Variants in COPG2 observed in about 807,000 individuals in gnomAD.
The protein encoded by COPG2 is coat protein complex I subunit gamma 2, also known as coatomer subunit gamma-2.
A neutral mutation model predicts 46.3 loss-of-function variants in COPG2; 37 were observed. The ratio of observed to expected loss-of-function variants is 0.80; its 90% CI spans 0.61 to 1.05. The LOEUF (loss-of-function observed/expected upper bound fraction) is 1.05. Ranked by LOEUF, COPG2 falls within the 50% of genes least tolerant of loss-of-function variation. COPG2 has a pLI of 0.00. For synonymous variants in COPG2, 159 were observed against 129.7 expected (o/e 1.23, Z -1.53); for missense variants, 427 against 387.8 (o/e 1.10, Z -0.85).
intron 5 of COPG2, among the ~76,000 whole-genome samples, chr7:130,649,097 A>C (rs1369514581): frequency 6.6e-6 from 1 of 152,176 alleles, no homozygotes; most frequent in East Asian, 1.9e-4. Context: ...TGCCTAGATA[A>C]TCCCATCTCT....
intron 9 of COPG2, among the ~76,000 whole-genome samples, chr7:130,576,639 C>T (rs1016281044): frequency 3.3e-5 from 5 of 152,092 alleles, no homozygotes; most frequent in African/African-American, 9.7e-5. Context: ...CAAGTGCCTA[C>T]ATCAAAAAGA....
intron 20 of COPG2, among the ~76,000 whole-genome samples, chr7:130,515,370 C>G (rs1227197721): frequency 3.9e-5 from 6 of 151,988 alleles, no homozygotes; most frequent in African/African-American, 1.2e-4. Flanking sequence ...ACAGTCAGGT[C>G]GTGTAAGAAC....
Position 130,552,274 on chromosome 7 carries a change from G to A in COPG2, c.1544+81C>T, listed in dbSNP as rs1050936982. On this transcript the variant is annotated intron_variant, in intron 15 of 23. Coordinates refer to ENST00000425248, the MANE Select transcript of COPG2 (RefSeq NM_012133.6). ...TACTCTTAGGGCTTAGAGTGCATCC[G>A]CCCTATGGTAGAATGAGGATTTCAC... The A allele has an allele frequency of 2.6e-4, 101 of 395,682 alleles. 1 individual carries two copies. In the East Asian group the frequency reaches 3.3e-3, roughly 13 times the overall value. 24.5% of individuals were successfully genotyped at this position (395,682 alleles called of 1,614,324 possible).
chr7:130,512,052 T>TA (rs1182017221), intron 20 of COPG2, among the ~76,000 whole-genome samples: 6,436 of 99,010 alleles, frequency 0.065, 237 homozygotes, highest in African/African-American at 0.1. Flanking sequence ...CTGTGTCTTC[T>TA]AAAAAAAAAA....
rs781807044 is a variant in COPG2 at position 130,633,402 on chromosome 7, ATCTGT to A, written c.324-16342_324-16338del. ...CCTATTTCTCCACATCCTCTCCAGCATCTGTTGTTTCCTGACTTTTTAATGATCGC... is the reference window on the plus strand; with the variant it reads ...CCTATTTCTCCACATCCTCTCCAGCATGTTTCCTGACTTTTTAATGATCGC... On this transcript the variant is annotated intron_variant, in intron 5 of 23. Transcript: ENST00000425248. Among the ~76,000 whole-genome samples the A allele has an allele frequency of 5.8e-4, 89 of 152,268 alleles. 1 individual carries two copies. Among genetic ancestry groups the A allele is most frequent in the Middle Eastern group, 6.8e-3 (2 of 294 alleles).
intron 5 of COPG2, among the ~76,000 whole-genome samples, chr7:130,632,622 T>C (rs1795253196): frequency 6.6e-6 from 1 of 152,068 alleles, no homozygotes; most frequent in African/African-American, 2.4e-5. Flanking sequence ...GTGAGGCTGT[T>C]TATTTTTGTT....
At chr7:130,574,129 A>G (rs944400716) in intron 9 of COPG2, among the ~76,000 whole-genome samples, 2 of 152,260 alleles carry the variant, frequency 1.3e-5, no homozygotes, top group Admixed American at 1.3e-4. Context: ...CCAAGTGCCC[A>G]TCAATTAATG....
rs782283708 is a variant in COPG2 at position 130,617,094 on chromosome 7, G to C, written c.324-29C>G. On this transcript the variant is annotated intron_variant, in intron 5 of 23. Transcript: ENST00000425248. ...AGAAAAATCAAATTGGTTAACATAA[G>C]ATCAATTAAAATCTCTCCCATGGAG... 7.5e-6 allele frequency: 11 copies of C among 1,467,654 alleles called. No individual in the cohort carries two copies. In the East Asian group the frequency reaches 2.5e-4, roughly 33 times the overall value. 90.9% of individuals were successfully genotyped at this position (1,467,654 alleles called of 1,614,324 possible). A position where few individuals can be genotyped will look rare whatever the true frequency, so the allele number is the denominator to read the frequency against.
chr7:130,537,880 G>A (rs1183143354), intron 20 of COPG2, among the ~76,000 whole-genome samples: 1 of 152,164 alleles, frequency 6.6e-6, no homozygotes. Flanking sequence ...AGGGTGTAGA[G>A]GTGTTGGCAC....
intron 5 of COPG2, among the ~76,000 whole-genome samples, chr7:130,631,167 C>CTTTTT (rs1795221010): frequency 8.4e-6 from 1 of 118,992 alleles, no homozygotes; most frequent in African/African-American, 3.0e-5. Flanking sequence ...TTTTCTTTTT[C>CTTTTT]TTTTCTTTTT....
intron 17 of COPG2, among the ~76,000 whole-genome samples, chr7:130,549,995 T>C (rs2116384969): frequency 6.6e-6 from 1 of 152,334 alleles, no homozygotes; most frequent in South Asian, 2.1e-4. Flanking sequence ...GATACTGTAA[T>C]GCTTTGCATT....
At chr7:130,668,438 C>A (rs1477163047) in intron 1 of COPG2, among the ~76,000 whole-genome samples, 194 bp downstream of exon 1, 1 of 148,798 alleles carries the variant, frequency 6.7e-6, no homozygotes, top group Non-Finnish European at 1.5e-5. Flanking sequence ...CGAAGGGAGG[C>A]TCCGGCGCCC....
At chr7:130,570,917 C>T (rs1793885402) in intron 9 of COPG2, among the ~76,000 whole-genome samples, 2 of 152,106 alleles carry the variant, frequency 1.3e-5, no homozygotes, top group South Asian at 4.1e-4. Context: ...GCCAACTGAT[C>T]TTGAACAAAG....
chr7:130,640,650 T>C (rs1554457070), intron 5 of COPG2, among the ~76,000 whole-genome samples: 1 of 152,150 alleles, frequency 6.6e-6, no homozygotes, highest in African/African-American at 2.4e-5. Flanking sequence ...ATAAAATAAG[T>C]GTTAATCCAA....
At chr7:130,662,940 T>C in intron 4 of COPG2, 27 bp downstream of exon 4, 1 of 1,395,742 alleles carries the variant, frequency 7.2e-7, no homozygotes, top group Non-Finnish European at 9.7e-7. Flanking sequence ...AGGTTTTTCA[T>C]CGTAAAAAAA....
At chr7:130,593,492 G>A (rs1794470373) in intron 9 of COPG2, among the ~76,000 whole-genome samples, 1 of 151,950 alleles carries the variant, frequency 6.6e-6, no homozygotes, top group Non-Finnish European at 1.5e-5. Context: ...AAGTAAGGGA[G>A]GAAGATTTTC....
intron 5 of COPG2, among the ~76,000 whole-genome samples, chr7:130,638,211 C>G (rs1795383679): frequency 6.6e-6 from 1 of 152,144 alleles, no homozygotes; most frequent in South Asian, 2.1e-4. Context: ...GTCAGGGACC[C>G]ACTTGAGGAG....
intron 9 of COPG2, among the ~76,000 whole-genome samples, chr7:130,575,568 A>C (rs1554446102): frequency 1.3e-5 from 2 of 152,214 alleles, no homozygotes; most frequent in Non-Finnish European, 2.9e-5. Flanking sequence ...ATATCCTGAA[A>C]CAAATCCTGG....
intron 20 of COPG2, among the ~76,000 whole-genome samples, chr7:130,532,083 C>A (rs1286453369): frequency 6.6e-6 from 1 of 152,176 alleles, no homozygotes; most frequent in African/African-American, 2.4e-5. Flanking sequence ...GAGAGCCGGG[C>A]AGACATGTAG....
Sources: allele counts gnomAD v4.1 joint callset (sites outside exome capture counted in the v4.1 genomes callset), GRCh38; gene constraint gnomAD v4.1.1; transcripts MANE v1.5; gene names NCBI Gene and HGNC (gene_info 2026-07-23, HGNC 2026-07-21).